GLB1L3: variants seen among roughly 807,000 people sequenced by gnomAD.
GLB1L3 encodes the protein galactosidase beta 1 like 3.
Under a neutral mutation model 89.5 loss-of-function variants are expected in GLB1L3, and 89 were observed. That is an observed-to-expected ratio of 0.99 (90% CI 0.84 to 1.19). The LOEUF is 1.19. Among genes scored for constraint, GLB1L3 ranks in the 50% most tolerant of loss-of-function variants. The probability of loss-of-function intolerance (pLI) is 0.00; values close to 1 mark genes in which losing one functional copy is unlikely to be tolerated. For synonymous variants in GLB1L3, 314 were observed against 312.3 expected (o/e 1.01, Z -0.06); for missense variants, 812 against 813.3 (o/e 1.00, Z 0.02).
Position 134,310,942 on chromosome 11 carries a change from C to A in GLB1L3, c.1181-122C>A, listed in dbSNP as rs765077585. ...AGTTACTCTTTGTAAAGCTCTTATA[C>A]CATGGATGACATAGTAACCCCCAAT... On this transcript the variant is annotated intron_variant, in intron 12 of 19. Coordinates refer to ENST00000431683, the MANE Select transcript of GLB1L3 (RefSeq NM_001080407.3). 3 of 726,824 alleles carry A rather than the reference C, an allele frequency of 4.1e-6. No individual in the cohort carries two copies. In the East Asian group the frequency reaches 7.4e-5, roughly 18 times the overall value. The allele number at this position is 726,824 out of a possible 1,614,324, so 45.0% of individuals were successfully genotyped here.
intron 9 of GLB1L3, among the ~76,000 whole-genome samples, chr11:134,300,581 G>A (rs933514916): frequency 4.8e-4 from 73 of 152,076 alleles, no homozygotes; most frequent in Admixed American, 9.2e-4. Flanking sequence ...TGATCCGCCT[G>A]CCTCAGCCTC....
chr11:134,312,770 T>G, intron 14 of GLB1L3, 46 bp from the exon 15 acceptor site: 1 of 1,513,242 alleles, frequency 6.6e-7, no homozygotes. Flanking sequence ...TCTTCTCCCT[T>G]TCTTCGGGTG....
Position 134,312,294 on chromosome 11 carries a change from G to A in GLB1L3, c.1288-55G>A. On this transcript the variant is annotated intron_variant, in intron 13 of 19. Coordinates refer to ENST00000431683, the MANE Select transcript of GLB1L3 (RefSeq NM_001080407.3). ...GACCAAATGACAGGGTCTTAGGAAG[G>A]AGGATCCTGACTGCTCAGCCCTTGG... 3.8e-6 allele frequency: 6 copies of A among 1,592,256 alleles called. No individual in the cohort carries two copies. In the South Asian group the frequency reaches 5.6e-5, roughly 15 times the overall value.
chr11:134,307,423 C>T (rs1336297701), intron 10 of GLB1L3, among the ~76,000 whole-genome samples: 1 of 152,200 alleles, frequency 6.6e-6, no homozygotes. Flanking sequence ...GTGAGGTCCA[C>T]AGATCATTAC....
intron 9 of GLB1L3, among the ~76,000 whole-genome samples, chr11:134,294,170 G>A (rs1402997380): frequency 6.6e-6 from 1 of 151,824 alleles, no homozygotes; most frequent in Non-Finnish European, 1.5e-5. Flanking sequence ...TGGTTCAAGC[G>A]ATTCTCCTGC....
In GLB1L3 at chr11:134,277,391, C is replaced by T. The variant is rs1940434509; in HGVS notation, c.89C>T (p.Ala30Val). 1 of 1,613,840 alleles carries T rather than the reference C, an allele frequency of 6.2e-7. No individual in the cohort carries two copies. The highest frequency in any genetic ancestry group is 8.5e-7 in the Non-Finnish European group (1 of 1,179,892). Residue 30 changes from alanine (A) to valine (V), a missense_variant, in exon 2 of 20, where the codon GCT (alanine) becomes GTT (valine). By Grantham distance (64) the Ala-to-Val change is moderately conservative (BLOSUM62 0). Coordinates refer to ENST00000431683, the MANE Select transcript of GLB1L3 (RefSeq NM_001080407.3). ...FFLPFISSGF[A>V]PRFKQEENFM... is the part of the protein sequence containing the mutation. ...CTGCCATTTATCTCATCAGGTTTTG[C>T]TCCTCGGTTTAAGCAGGAAGAGAAC...
At position 134,276,729 on chromosome 11, in the gene GLB1L3, G is replaced by C. The variant is rs1227096611; in HGVS notation, c.-12G>C. 9.0e-6 allele frequency: 13 copies of C among 1,447,324 alleles called. No individual in the cohort carries two copies. Among genetic ancestry groups the C allele is most frequent in the Non-Finnish European group, 1.2e-5 (13 of 1,101,702 alleles). The allele number at this position is 1,447,324 out of a possible 1,614,324, so 89.7% of individuals were successfully genotyped here. On this transcript the variant is annotated 5_prime_UTR_variant, in exon 1 of 20. Coordinates refer to ENST00000431683, the MANE Select transcript of GLB1L3 (RefSeq NM_001080407.3). ...AGCCGCAAGGGACCCTCGGCGCCTC[G>C]GCCTGGCCGCGATGAAGTCCCCGCC...
At chr11:134,308,500 T>TCACC (rs1565414129) in intron 10 of GLB1L3, among the ~76,000 whole-genome samples, 13 of 15,452 alleles carry the variant, frequency 8.4e-4, no homozygotes, top group Non-Finnish European at 1.3e-3. Context: ...CACCACCAAA[T>TCACC]ACCACCACCA....
intron 9 of GLB1L3, chr11:134,305,230 A>C: frequency 1.2e-6 from 1 of 808,848 alleles, no homozygotes. Context: ...CTTCTGATGC[A>C]CTGAATTATG....
chr11:134,314,496 G>C, intron 18 of GLB1L3, 55 bp downstream of exon 18: 1 of 1,133,382 alleles, frequency 8.8e-7, no homozygotes, highest in South Asian at 1.3e-5. Flanking sequence ...TATTTTTAAA[G>C]AGTCCTGAAG....
At chr11:134,280,464 T>C (rs768459586) in intron 3 of GLB1L3, among the ~76,000 whole-genome samples, 23 of 152,236 alleles carry the variant, frequency 1.5e-4, no homozygotes, top group Non-Finnish European at 2.9e-4. Flanking sequence ...TGCCGACTTT[T>C]AATTACACAG....
intron 3 of GLB1L3, among the ~76,000 whole-genome samples, chr11:134,279,075 A>G (rs1940539014): frequency 6.6e-6 from 1 of 152,194 alleles, no homozygotes; most frequent in Non-Finnish European, 1.5e-5. Flanking sequence ...TTTTGTTAGT[A>G]TTCTTGTCCA....
chr11:134,293,132 CTTCTT>C lies in GLB1L3; in HGVS notation c.812-11_812-7del. 6.2e-7 allele frequency: 1 copy of C among 1,612,722 alleles called. No homozygotes were observed. The highest frequency in any genetic ancestry group is 2.2e-5 in the East Asian group (1 of 44,870). ...TCTCATGCCTCAGCTGGGTCTCTCT[CTTCTT>C]TATGCAGTGTTGGCCGCCATCAATT... On this transcript the variant is annotated splice_region_variant and splice_polypyrimidine_tract_variant and intron_variant, in intron 8 of 19. Coordinates refer to ENST00000431683, the MANE Select transcript of GLB1L3 (RefSeq NM_001080407.3).
At chr11:134,280,673 C>G (rs1052307214) in intron 3 of GLB1L3, among the ~76,000 whole-genome samples, 1 of 152,060 alleles carries the variant, frequency 6.6e-6, no homozygotes, top group Non-Finnish European at 1.5e-5. Flanking sequence ...CGTTGTTAAG[C>G]TCATAGAAGG....
At chr11:134,321,489 A>G (rs1943168138), downstream of GLB1L3, among the ~76,000 whole-genome samples, 1 of 152,196 alleles carries the variant, frequency 6.6e-6, no homozygotes, top group Admixed American at 6.5e-5. Flanking sequence ...TTGTGGCACT[A>G]TTCACAGTAG....
At chr11:134,277,515 A>G in intron 2 of GLB1L3, 64 bp downstream of exon 2, 1 of 1,591,292 alleles carries the variant, frequency 6.3e-7, no homozygotes, top group African/African-American at 1.4e-5. Flanking sequence ...TGGAGAAAAT[A>G]GTATCGCGAA....
intron 6 of GLB1L3, among the ~76,000 whole-genome samples, chr11:134,284,605 T>A (rs553512403): frequency 6.6e-6 from 1 of 152,156 alleles, no homozygotes; most frequent in South Asian, 2.1e-4. Flanking sequence ...GGCACATGCC[T>A]GTAACCCCAG....
chr11:134,302,993 A>C (rs1942024662), intron 9 of GLB1L3, among the ~76,000 whole-genome samples: 1 of 152,124 alleles, frequency 6.6e-6, no homozygotes, highest in Non-Finnish European at 1.5e-5. Context: ...GTCCTTTAGC[A>C]AGTTTATCAA....
At chr11:134,315,008 G>A (rs1361935759) in intron 18 of GLB1L3, among the ~76,000 whole-genome samples, 1 of 152,098 alleles carries the variant, frequency 6.6e-6, no homozygotes, top group Non-Finnish European at 1.5e-5. Context: ...AAATATTGTT[G>A]GCACCCCTCC....
Sources: gnomAD v4.1 joint callset for allele counts (sites outside exome capture counted in the v4.1 genomes callset) on GRCh38, gnomAD v4.1.1 for gene constraint, MANE v1.5 for transcripts, NCBI Gene and HGNC (gene_info 2026-07-23, HGNC 2026-07-21) for gene names.